Variants in POSTN observed in about 807,000 individuals in gnomAD.
POSTN encodes periostin, also known as osteoblast specific factor 2 (fasciclin I-like).
A neutral mutation model predicts 104.5 loss-of-function variants in POSTN; 71 were observed. The ratio of observed to expected loss-of-function variants is 0.68; its 90% CI spans 0.56 to 0.83. The LOEUF is 0.83. POSTN is among the 40% of genes least tolerant of loss of function. The probability of loss-of-function intolerance (pLI) is 0.00; values close to 1 mark genes in which losing one functional copy is unlikely to be tolerated. For missense variants in POSTN, 949 were observed against 1,006.8 expected (o/e 0.94, Z 0.78); for synonymous variants, 355 against 340.7 (o/e 1.04, Z -0.46).
rs1456088865 is a variant in POSTN, at chr13:37,564,557, G to A, written c.2435C>T (p.Thr812Ile). The A allele has an allele frequency of 1.3e-6, 2 of 1,592,594 alleles. No individual in the cohort carries two copies. Among genetic ancestry groups the A allele is most frequent in the East Asian group, 2.2e-5 (1 of 44,570 alleles). The change falls in exon 22 of 23, where the codon ACA becomes ATA. Residue 812 changes from threonine to isoleucine, a missense_variant. Coordinates refer to ENST00000379747, the MANE Select transcript of POSTN (RefSeq NM_006475.3). The stretch of plus-strand genomic sequence containing the variant: ...GTTGGCTTGCAACTTCCTCACGGGT[G>A]TGTCTAAAATTAAATTGTTGTAGTT... The part of the protein sequence containing the change: ...EEIKRLLQGD[T>I]PVRKLQANKK...
chr13:37,583,070 A>G (rs1182989314), intron 9 of POSTN, among the ~76,000 whole-genome samples: 4 of 152,198 alleles, frequency 2.6e-5, no homozygotes, highest in African/African-American at 4.8e-5. Flanking sequence ...AAATTGTGTT[A>G]CCTATTTTTA....
intron 2 of POSTN, among the ~76,000 whole-genome samples, chr13:37,593,053 T>A (rs1950988725): frequency 6.6e-6 from 1 of 151,226 alleles, no homozygotes; most frequent in Admixed American, 6.6e-5. Flanking sequence ...TAAAATTTGA[T>A]AAAAATAATC....
At chr13:37,598,461 T>TA (rs768002045) in intron 1 of POSTN, 147 bp downstream of exon 1, 5 of 623,512 alleles carry the variant, frequency 8.0e-6, no homozygotes, top group Non-Finnish European at 1.3e-5. Flanking sequence ...AATCACAGAA[T>TA]ACTCACATTT....
Position 37,587,811 on chromosome 13 carries a change from A to G in POSTN, c.606+11T>C. Reference sequence around the variant, plus strand: ...TTTTTCATAAGTGTACTTTTTACTGATAAAACTTACCCCATTAGGATAATG... The same window carrying G: ...TTTTTCATAAGTGTACTTTTTACTGGTAAAACTTACCCCATTAGGATAATG... On this transcript the variant is annotated intron_variant, in intron 5 of 22. Transcript: ENST00000379747. The G allele has an allele frequency of 6.4e-7, 1 of 1,552,554 alleles. No individual in the cohort carries two copies. Among genetic ancestry groups the G allele is most frequent in the Non-Finnish European group, 8.8e-7 (1 of 1,136,160 alleles).
At chr13:37,570,153 A>G (rs1408672744) in intron 19 of POSTN, among the ~76,000 whole-genome samples, 1 of 151,866 alleles carries the variant, frequency 6.6e-6, no homozygotes, top group Non-Finnish European at 1.5e-5. Context: ...GAAGTCTGAT[A>G]TGAGGTTTAC....
chr13:37,577,871 A>G, intron 15 of POSTN, 73 bp from the exon 16 acceptor site: 3 of 1,587,948 alleles, frequency 1.9e-6, no homozygotes, highest in Admixed American at 3.5e-5. Flanking sequence ...CACCACTTTA[A>G]TTCTTATTAA....
intron 21 of POSTN, among the ~76,000 whole-genome samples, chr13:37,566,839 T>A (rs1950115001): frequency 6.6e-6 from 1 of 152,150 alleles, no homozygotes; most frequent in Non-Finnish European, 1.5e-5. Context: ...TGGAAGTGTA[T>A]CAGTGACAAA....
chr13:37,577,811 G>A lies in POSTN; in HGVS notation c.1963-13C>T. 1 of 1,613,128 alleles carries A rather than the reference G, an allele frequency of 6.2e-7. No homozygotes were observed. The highest frequency in any genetic ancestry group is 8.5e-7 in the Non-Finnish European group (1 of 1,179,458). ...TACCACGAACAAACTGAAAATAAAT[G>A]TTTATATTTAGTAACATGAAAGGTG... is the stretch of plus-strand genomic sequence containing the variant. On this transcript the variant is annotated splice_polypyrimidine_tract_variant and intron_variant, in intron 15 of 22. Coordinates refer to ENST00000379747, the MANE Select transcript of POSTN (RefSeq NM_006475.3).
At chr13:37,588,569 GA>G (rs1248914945) in intron 4 of POSTN, among the ~76,000 whole-genome samples, 1 of 152,136 alleles carries the variant, frequency 6.6e-6, no homozygotes, top group African/African-American at 2.4e-5. Flanking sequence ...GGACAGAGGG[GA>G]AAAATGCTTT....
rs1355991815 is a variant in POSTN at position 37,590,455 on chromosome 13, A to G, written c.358T>C (p.Ser120Pro). The change falls in exon 4 of 23, where the codon TCA (serine) becomes CCA (proline). Residue 120 changes from serine (S) to proline (P), a missense_variant. Coordinates refer to ENST00000379747, the MANE Select transcript of POSTN (RefSeq NM_006475.3). ...ATTTQRYSDA[S>P]KLREEIEGKG... ...CCCTCGATCTCCTCCCTCAGTTTTG[A>G]GGCGTCAGAATAGCGCTGCGTTGTG... 1 of 1,613,496 alleles carries G rather than the reference A, an allele frequency of 6.2e-7. No individual in the cohort carries two copies. Among genetic ancestry groups the G allele is most frequent in the Non-Finnish European group, 8.5e-7 (1 of 1,179,666 alleles).
rs779282471 is a variant in POSTN, at chr13:37,586,293, T to C, written c.754-13A>G. ...TGATGGCAGCTGCCTGAAACACAAA[T>C]GTGCTTTTCAGAGACTTTCACATTG... On this transcript the variant is annotated splice_polypyrimidine_tract_variant and intron_variant, in intron 6 of 22. Coordinates refer to ENST00000379747, the MANE Select transcript of POSTN (RefSeq NM_006475.3). 5.6e-6 allele frequency: 9 copies of C among 1,605,990 alleles called. No homozygotes were observed. The highest frequency in any genetic ancestry group is 3.4e-6 in the Non-Finnish European group (4 of 1,176,520).
rs775343830 is a variant in POSTN at position 37,597,201 on chromosome 13, G to A, written c.201C>T (p.Ser67=). Residue 67 remains serine (S), a synonymous_variant, in exon 2 of 23, where the codon TCC becomes TCT. Coordinates refer to ENST00000379747, the MANE Select transcript of POSTN (RefSeq NM_006475.3). ...FSTCKNWYKK[S]ICGQKTTVLY... The stretch of plus-strand genomic sequence containing the variant: ...AGACTTACGTTTTCTGTCCACAGAT[G>A]GACTTTTTATACCAGTTCTTACAAG... The A allele has an allele frequency of 5.8e-6, 9 of 1,560,664 alleles. No homozygotes were observed. In the South Asian group the frequency reaches 9.8e-5, roughly 17 times the overall value.
At chr13:37,570,728 A>G in intron 18 of POSTN, 59 bp from the exon 19 acceptor site, 1 of 1,028,182 alleles carries the variant, frequency 9.7e-7, no homozygotes, top group Non-Finnish European at 1.5e-6. Flanking sequence ...CTATACATCC[A>G]TAAGCTAGAC....
intron 16 of POSTN, 39 bp downstream of exon 16, chr13:37,577,714 C>A (rs753883570): frequency 1.3e-6 from 2 of 1,597,020 alleles, no homozygotes; most frequent in Non-Finnish European, 1.7e-6. Context: ...TTTTTTCATA[C>A]CTTGCCACCC....
chr13:37,578,816 A>AAG (rs373588549), intron 15 of POSTN, 28 bp downstream of exon 15: 1 of 1,481,460 alleles, frequency 6.8e-7, no homozygotes, highest in African/African-American at 1.4e-5. Context: ...AAAAAAAAAA[A>AAG]AGAAATAAAT....
chr13:37,589,497 C>T (rs533949997), intron 4 of POSTN, among the ~76,000 whole-genome samples: 2 of 151,872 alleles, frequency 1.3e-5, no homozygotes, highest in Non-Finnish European at 2.9e-5. Context: ...ATCCCTCCCC[C>T]CTCCTCCCAC....
intron 22 of POSTN, 104 bp downstream of exon 22, chr13:37,564,415 T>C (rs551606405): frequency 5.9e-6 from 4 of 679,080 alleles, no homozygotes; most frequent in African/African-American, 3.7e-5. Flanking sequence ...CTCTGATCGA[T>C]AACAAGTTTC....
At chr13:37,564,451 A>G (rs1950030525) in intron 22 of POSTN, 68 bp downstream of exon 22, 1 of 827,882 alleles carries the variant, frequency 1.2e-6, no homozygotes, top group Non-Finnish European at 1.9e-6. Context: ...AATCTTTCCT[A>G]TTGTTTGATT....
intron 17 of POSTN, among the ~76,000 whole-genome samples, chr13:37,574,125 T>G (rs1350774235): frequency 6.6e-6 from 1 of 151,724 alleles, no homozygotes. Flanking sequence ...AAACATAGCT[T>G]CTATGCTATC....
Sources: allele counts gnomAD v4.1 joint callset (sites outside exome capture counted in the v4.1 genomes callset), GRCh38; gene constraint gnomAD v4.1.1; transcripts MANE v1.5; gene names NCBI Gene and HGNC (gene_info 2026-07-23, HGNC 2026-07-21).